Variants in CACNA1E observed in about 807,000 individuals in gnomAD.
CACNA1E encodes voltage-dependent R-type calcium channel subunit alpha-1E.
In CACNA1E, 40 loss-of-function variants were observed where a neutral mutation model predicts 259.2. The ratio of observed to expected loss-of-function variants is 0.15; its 90% confidence interval spans 0.12 to 0.20. CACNA1E has a LOEUF of 0.20. Ranked by LOEUF, CACNA1E falls within the 10% of genes least tolerant of loss-of-function variation. The pLI, the probability that CACNA1E is intolerant of heterozygous loss-of-function variation, is 1.00. For missense variants in CACNA1E, 1,874 were observed against 3,040.1 expected, an observed-to-expected ratio of 0.62 and a Z score of 9.02; for synonymous variants, 1,104 against 1,138.5, an observed-to-expected ratio of 0.97 and a Z score of 0.61.
intron 2 of CACNA1E, among the ~76,000 whole-genome samples, chr1:181,467,324 T>G (rs187226596): frequency 2.8e-4 from 42 of 152,238 alleles, no homozygotes; most frequent in African/African-American, 1.0e-3. Flanking sequence ...GAAAACAGAA[T>G]GAAAAGCAGG....
chr1:181,491,277 C>G (rs76752314), intron 1 of CACNA1E, among the ~76,000 whole-genome samples: 242 of 152,026 alleles, frequency 1.6e-3, no homozygotes, highest in Middle Eastern at 0.01. Flanking sequence ...CAGACATAGG[C>G]GGTCTGCCCG....
In CACNA1E at chr1:181,688,867, CT is replaced by C. The variant is rs59127994; in HGVS notation, c.1056-22081del. Among the ~76,000 whole-genome samples, 1,273 of 152,244 alleles carry C rather than the reference CT, an allele frequency of 8.4e-3. 18 individuals carry two copies. Among genetic ancestry groups the C allele is most frequent in the African/African-American group, 0.029 (1,201 of 41,540 alleles). ...CTACTCCTTGCTTCTATGAGTTCTA[CT>C]TTTTTAGATTCCACATATAAATGAG... On this transcript the variant is annotated intron_variant, in intron 7 of 47. Transcript: ENST00000367573.
chr1:181,770,099 T>C (rs1659373806), intron 35 of CACNA1E, among the ~76,000 whole-genome samples: 1 of 152,104 alleles, frequency 6.6e-6, no homozygotes, highest in Non-Finnish European at 1.5e-5. Flanking sequence ...TTGAGCAAAA[T>C]AGCTGGGGGC....
intron 3 of CACNA1E, among the ~76,000 whole-genome samples, chr1:181,533,087 C>T (rs1043649719): frequency 6.6e-6 from 1 of 151,814 alleles, no homozygotes; most frequent in Non-Finnish European, 1.5e-5. Context: ...AGTCCTGAAC[C>T]AAGTTTTTTG....
intron 1 of CACNA1E, among the ~76,000 whole-genome samples, chr1:181,401,504 T>A (rs1015411726): frequency 4.7e-4 from 72 of 152,184 alleles, no homozygotes; most frequent in African/African-American, 1.7e-3. Context: ...ATTGAATAAG[T>A]AAATGGTTGA....
At chr1:181,747,449 CATTTT>C (rs1558340122) in intron 25 of CACNA1E, among the ~76,000 whole-genome samples, 4 of 117,316 alleles carry the variant, frequency 3.4e-5, no homozygotes, top group Admixed American at 8.9e-5. Flanking sequence ...AAAAATCTGT[CATTTT>C]TTTTTTTTTT....
intron 1 of CACNA1E, among the ~76,000 whole-genome samples, chr1:181,405,395 T>C (rs915617023): frequency 1.3e-5 from 2 of 152,240 alleles, no homozygotes; most frequent in African/African-American, 2.4e-5. Flanking sequence ...TAGAGGCTTC[T>C]GGAAGTTAGC....
At chr1:181,397,371 G>A (rs755843207) in intron 1 of CACNA1E, among the ~76,000 whole-genome samples, 1 of 152,196 alleles carries the variant, frequency 6.6e-6, no homozygotes, top group Non-Finnish European at 1.5e-5. Context: ...CACGATCTTA[G>A]CTCACTGCAA....
chr1:181,390,374 A>G (rs1231127742), intron 1 of CACNA1E, among the ~76,000 whole-genome samples: 1 of 151,990 alleles, frequency 6.6e-6, no homozygotes, highest in Non-Finnish European at 1.5e-5. Context: ...AGTCGAGAGA[A>G]CCTGTAAAAG....
chr1:181,421,564 A>T (rs375999167), intron 2 of CACNA1E, among the ~76,000 whole-genome samples: 2 of 152,234 alleles, frequency 1.3e-5, no homozygotes, highest in Non-Finnish European at 2.9e-5. Flanking sequence ...CTAAAACATA[A>T]TGTGGCTAGA....
intron 7 of CACNA1E, among the ~76,000 whole-genome samples, chr1:181,668,370 C>T (rs1047755523): frequency 6.6e-6 from 1 of 152,142 alleles, no homozygotes; most frequent in Non-Finnish European, 1.5e-5. Flanking sequence ...GGATATACCA[C>T]GGTTTGTTTC....
At chr1:181,384,912 A>G (rs975963675) in intron 1 of CACNA1E, among the ~76,000 whole-genome samples, 6 of 152,078 alleles carry the variant, frequency 3.9e-5, no homozygotes, top group Non-Finnish European at 8.8e-5. Context: ...AATAAAAGAA[A>G]TCTTTCCTGC....
intron 6 of CACNA1E, among the ~76,000 whole-genome samples, chr1:181,583,753 T>C (rs578135114): frequency 2.0e-5 from 3 of 152,212 alleles, no homozygotes; most frequent in African/African-American, 7.2e-5. Flanking sequence ...CACCTGTGCT[T>C]CATTTAGTCT....
chr1:181,751,664 C>A (rs910698156), intron 26 of CACNA1E, among the ~76,000 whole-genome samples: 2 of 152,210 alleles, frequency 1.3e-5, no homozygotes, highest in Non-Finnish European at 2.9e-5. Flanking sequence ...ACTGTGGGTT[C>A]ATCAATTCAG....
At chr1:181,658,768 A>C (rs1282427655) in intron 7 of CACNA1E, among the ~76,000 whole-genome samples, 1 of 152,190 alleles carries the variant, frequency 6.6e-6, no homozygotes, top group Non-Finnish European at 1.5e-5. Context: ...TGATATGAAT[A>C]AATTTTGACA....
chr1:181,762,936 A>G (rs1658712014), intron 33 of CACNA1E, among the ~76,000 whole-genome samples: 1 of 152,200 alleles, frequency 6.6e-6, no homozygotes, highest in African/African-American at 2.4e-5. Context: ...TAGTATGCAT[A>G]GCGTTGCACT....
At chr1:181,562,997 G>A (rs1649471723) in intron 3 of CACNA1E, among the ~76,000 whole-genome samples, 1 of 152,088 alleles carries the variant, frequency 6.6e-6, no homozygotes. Context: ...CAAATAGATG[G>A]TATGGGATGT....
intron 7 of CACNA1E, among the ~76,000 whole-genome samples, chr1:181,693,274 A>G (rs924558593): frequency 5.9e-5 from 9 of 152,158 alleles, no homozygotes; most frequent in African/African-American, 2.2e-4. Context: ...AAACAAAACT[A>G]GCATTCGACC....
At chr1:181,322,422 A>G (rs1650430731) in intron 1 of CACNA1E, among the ~76,000 whole-genome samples, 2 of 152,224 alleles carry the variant, frequency 1.3e-5, no homozygotes, top group Admixed American at 1.3e-4. Context: ...CAAACTATAA[A>G]GCCATTCAGA....
Sources: gnomAD v4.1 joint callset for allele counts (sites outside exome capture counted in the v4.1 genomes callset) on GRCh38, gnomAD v4.1.1 for gene constraint, MANE v1.5 for transcripts, NCBI Gene and HGNC (gene_info 2026-07-23, HGNC 2026-07-21) for gene names.